TMCC3: variants seen among roughly 807,000 people sequenced by gnomAD.
TMCC3 encodes transmembrane and coiled-coil domain protein 3.
TMCC3 carries 28 observed loss-of-function variants against 40.2 expected under a neutral mutation model. The observed-to-expected ratio is 0.70, with a 90% confidence interval of 0.52 to 0.95. The LOEUF is 0.95. Ranked by LOEUF, TMCC3 falls within the 40% of genes least tolerant of loss-of-function variation. TMCC3 has a pLI of 0.00. For synonymous variants in TMCC3, 255 were observed against 248.5 expected (o/e 1.03, Z -0.25); for missense variants, 554 against 615.2 (o/e 0.90, Z 1.05).
In TMCC3 at chr12:94,582,036, G is replaced by A; in HGVS notation, c.581C>T (p.Thr194Ile). 1 of 1,614,204 alleles carries A rather than the reference G, an allele frequency of 6.2e-7. No individual in the cohort carries two copies. The highest frequency in any genetic ancestry group is 8.5e-7 in the Non-Finnish European group (1 of 1,180,024). Residue 194 changes from threonine (T) to isoleucine (I), a missense_variant, in exon 2 of 4, where the codon ACT becomes ATT. Physicochemically the swap from Thr to Ile is moderately conservative, Grantham distance 89 (BLOSUM62 -1). Transcript: ENST00000261226. Reference protein sequence around the residue: ...SKSGMPGVSLTPPVFVFNKSR... With the variant: ...SKSGMPGVSLIPPVFVFNKSR... ...CTTATTGAAAACGAACACAGGTGGA[G>A]TAAGTGAGACCCCTGGCATGCCCGA... is the stretch of plus-strand genomic sequence containing the variant.
intron 1 of TMCC3, among the ~76,000 whole-genome samples, chr12:94,647,214 T>C (rs907879960): frequency 6.6e-6 from 1 of 152,198 alleles, no homozygotes; most frequent in Non-Finnish European, 1.5e-5. Flanking sequence ...AGTTTTAAAA[T>C]GTGAATGATC....
At chr12:94,584,963 G>A (rs902938179) in intron 1 of TMCC3, among the ~76,000 whole-genome samples, 3 of 151,968 alleles carry the variant, frequency 2.0e-5, no homozygotes, top group African/African-American at 7.3e-5. Flanking sequence ...GCTCATTAGT[G>A]GACCCAAACA....
Position 94,567,284 on chromosome 12 carries a change from A to G in TMCC3, c.*4151T>C, listed in dbSNP as rs1341239247. On this transcript the variant is annotated 3_prime_UTR_variant, in exon 4 of 4. Coordinates refer to ENST00000261226, the MANE Select transcript of TMCC3 (RefSeq NM_020698.4). ...TAGGCTGACATGAAACTAAGTAGTA[A>G]CTCACAAAATGGAAATTCTGCAACA... The G allele has an allele frequency of 6.6e-6, 1 of 152,246 alleles. No individual in the cohort carries two copies. The highest frequency in any genetic ancestry group is 2.4e-5 in the African/African-American group (1 of 41,462). The allele number at this position is 152,246 out of a possible 1,614,324, so 9.4% of individuals were successfully genotyped here.
rs774929525 is a variant in TMCC3, at chr12:94,571,570, C to T, written c.1299G>A (p.Ala433=). The change falls in exon 4 of 4, where the codon GCG becomes GCA. Residue 433 remains alanine, a synonymous_variant. Transcript: ENST00000261226. ...TCTTCATCATGGGTGAGACGAACTT[C>T]GCGATGGTGGACACACACACTAAGA... ...TVILVCVSTI[A]KFVSPMMKSR... 4.3e-6 allele frequency: 7 copies of T among 1,614,110 alleles called. No individual in the cohort carries two copies. The highest frequency in any genetic ancestry group is 5.9e-6 in the Non-Finnish European group (7 of 1,180,032).
At chr12:94,572,209 A>G (rs1309830918) in intron 3 of TMCC3, among the ~76,000 whole-genome samples, 1 of 151,946 alleles carries the variant, frequency 6.6e-6, no homozygotes, top group East Asian at 1.9e-4. Flanking sequence ...CATATTGGCA[A>G]GGAAGGTCTC....
chr12:94,631,720 A>G (rs761733727), intron 1 of TMCC3, among the ~76,000 whole-genome samples: 2 of 152,254 alleles, frequency 1.3e-5, no homozygotes, highest in Non-Finnish European at 2.9e-5. Context: ...CTCATGTAAT[A>G]TATATAGCAG....
intron 1 of TMCC3, among the ~76,000 whole-genome samples, chr12:94,594,339 C>A (rs2068702594): frequency 6.6e-6 from 1 of 152,038 alleles, no homozygotes; most frequent in East Asian, 1.9e-4. Context: ...GTTATCCTCT[C>A]ACCCTAACCT....
At chr12:94,572,328 TGAGACA>T (rs1566311844) in intron 3 of TMCC3, among the ~76,000 whole-genome samples, 1 of 104,088 alleles carries the variant, frequency 9.6e-6, no homozygotes, top group Non-Finnish European at 1.9e-5. Context: ...TTTTTTTTTT[TGAGACA>T]GAGTTTCACT....
At chr12:94,587,876 T>C (rs1003537109) in intron 1 of TMCC3, among the ~76,000 whole-genome samples, 11 of 152,230 alleles carry the variant, frequency 7.2e-5, no homozygotes, top group Non-Finnish European at 1.5e-5. Flanking sequence ...CTTTTAAGAA[T>C]GACTGCTAGC....
intron 1 of TMCC3, among the ~76,000 whole-genome samples, chr12:94,606,675 G>A (rs1267969830): frequency 6.6e-6 from 1 of 152,070 alleles, no homozygotes; most frequent in Non-Finnish European, 1.5e-5. Flanking sequence ...TGGGCCTCTG[G>A]GGGTGACATC....
chr12:94,610,209 T>C (rs1478149685), intron 1 of TMCC3, among the ~76,000 whole-genome samples: 2 of 152,066 alleles, frequency 1.3e-5, no homozygotes, highest in Non-Finnish European at 2.9e-5. Context: ...AAACAAATAA[T>C]CCAGTTACCA....
chr12:94,635,521 AC>A (rs1199594269), intron 1 of TMCC3, among the ~76,000 whole-genome samples: 3 of 152,226 alleles, frequency 2.0e-5, no homozygotes, highest in Admixed American at 1.3e-4. Context: ...GAGAGGTAAC[AC>A]TTAGTTCAAA....
In TMCC3 at chr12:94,569,685, C is replaced by T. The variant is rs2068515234; in HGVS notation, c.*1750G>A. 1 of 152,168 alleles carries T rather than the reference C, an allele frequency of 6.6e-6. No homozygotes were observed. Among genetic ancestry groups the T allele is most frequent in the Admixed American group, 6.5e-5 (1 of 15,282 alleles). The allele number at this position is 152,168 out of a possible 1,614,324, so 9.4% of individuals were successfully genotyped here. A position where few individuals can be genotyped will look rare whatever the true frequency, so the allele number is the denominator to read the frequency against. The stretch of plus-strand genomic sequence containing the variant: ...GCTTGAGCTGCCTAAGTCCCGCTCA[C>T]ACACACTGGACTTGTACTAAATGCT... On this transcript the variant is annotated 3_prime_UTR_variant, in exon 4 of 4. Coordinates refer to ENST00000261226, the MANE Select transcript of TMCC3 (RefSeq NM_020698.4).
intron 1 of TMCC3, chr12:94,591,237 T>C (rs929330891): frequency 5.2e-6 from 1 of 192,150 alleles, no homozygotes; most frequent in African/African-American, 2.4e-5. Flanking sequence ...GAAATAATTC[T>C]GGGGATTCTC....
intron 1 of TMCC3, among the ~76,000 whole-genome samples, chr12:94,648,557 C>T (rs187107306): frequency 3.6e-4 from 55 of 152,318 alleles, no homozygotes; most frequent in Non-Finnish European, 7.3e-4. Context: ...ATCAAGAAAT[C>T]ACATAAGGTT....
chr12:94,625,593 CAAAAAAAA>C (rs540684724), intron 1 of TMCC3, among the ~76,000 whole-genome samples: 9 of 105,066 alleles, frequency 8.6e-5, no homozygotes, highest in African/African-American at 3.0e-4. Flanking sequence ...GACTCCATCT[CAAAAAAAA>C]AAAAAAAAAA....
intron 1 of TMCC3, among the ~76,000 whole-genome samples, chr12:94,590,444 G>T (rs1402360831): frequency 6.6e-6 from 1 of 152,100 alleles, no homozygotes; most frequent in Admixed American, 6.5e-5. Flanking sequence ...CAATGCCTAC[G>T]CATTTACAAT....
At position 94,607,357 on chromosome 12, in the gene TMCC3, G is replaced by A. The variant is rs956939263; in HGVS notation, c.79-24819C>T. Among the ~76,000 whole-genome samples, 7 of 152,074 alleles carry A rather than the reference G, an allele frequency of 4.6e-5. No homozygotes were observed. In the East Asian group the frequency reaches 5.8e-4, roughly 13 times the overall value. On this transcript the variant is annotated intron_variant, in intron 1 of 3. Transcript: ENST00000261226. ...TACATTCTCAGCTTATGAAGATAAC[G>A]GGATTAAGAGATTAAAGACAGGCAT... is the stretch of plus-strand genomic sequence containing the variant.
intron 1 of TMCC3, among the ~76,000 whole-genome samples, chr12:94,615,013 C>T (rs1453347410): frequency 6.6e-6 from 1 of 152,150 alleles, no homozygotes; most frequent in Non-Finnish European, 1.5e-5. Flanking sequence ...ACTTTCCCTC[C>T]TCTCCCACCC....
Sources: gnomAD v4.1 joint callset for allele counts (sites outside exome capture counted in the v4.1 genomes callset) on GRCh38, gnomAD v4.1.1 for gene constraint, MANE v1.5 for transcripts, NCBI Gene and HGNC (gene_info 2026-07-23, HGNC 2026-07-21) for gene names.